Variants in LEMD2 observed in about 807,000 individuals in gnomAD.
LEMD2 encodes the protein LEM domain nuclear envelope protein 2, also known as LEM domain-containing protein 2.
A neutral mutation model predicts 58.8 loss-of-function variants in LEMD2; 34 were observed. That is an observed-to-expected ratio of 0.58 (90% CI 0.44 to 0.77). The LOEUF (loss-of-function observed/expected upper bound fraction) is 0.77, where lower values mean the gene tolerates loss of function less well. LEMD2 is among the 30% of genes least tolerant of loss of function. LEMD2 has a pLI of 0.00. For missense variants in LEMD2, 629 were observed against 717.9 expected, an observed-to-expected ratio of 0.88 and a Z score of 1.42; for synonymous variants, 298 against 308.9, an observed-to-expected ratio of 0.96 and a Z score of 0.37.
chr6:33,786,974 C>T (rs1263375040), intron 1 of LEMD2, 200 bp from the exon 2 acceptor site: 8 of 1,245,028 alleles, frequency 6.4e-6, no homozygotes, highest in Non-Finnish European at 8.5e-6. Context: ...TTAGGAATTA[C>T]GATAGCTGGG....
At chr6:33,787,079 G>C in intron 1 of LEMD2, 1 of 379,086 alleles carries the variant, frequency 2.6e-6, no homozygotes, top group Non-Finnish European at 4.7e-6. Context: ...GGATCAAATG[G>C]GCCTTCCCTG....
chr6:33,788,979 G>A lies in LEMD2; in HGVS notation c.138C>T (p.Asp46=). ...GGGCCTCCTCCCGCAGCCGCTCCTC[G>A]TCGCGCAGCCGGGCCTCGCCCCGCA... ...RRLRGEARLR[D]EERLREEARP... is the part of the protein sequence containing the mutation. Residue 46 remains aspartate (D), a synonymous_variant, in exon 1 of 9, where the codon GAC becomes GAT. Transcript: ENST00000293760. The A allele has an allele frequency of 1.4e-5, 21 of 1,541,240 alleles. No homozygotes were observed. Among genetic ancestry groups the A allele is most frequent in the Non-Finnish European group, 1.8e-5 (21 of 1,151,950 alleles).
chr6:33,774,503 T>C (rs147139722), intron 8 of LEMD2, among the ~76,000 whole-genome samples: 5,992 of 137,232 alleles, frequency 0.044, 374 homozygotes, highest in African/African-American at 0.14. Context: ...GATCTCGGCT[T>C]ACTGCAACCT....
intron 3 of LEMD2, among the ~76,000 whole-genome samples, chr6:33,783,508 GA>G (rs1171170096): frequency 6.6e-6 from 1 of 152,190 alleles, no homozygotes; most frequent in African/African-American, 2.4e-5. Flanking sequence ...CCTTAAGATA[GA>G]ACTGCTCTGT....
At chr6:33,783,701 T>C (rs896284514) in intron 3 of LEMD2, among the ~76,000 whole-genome samples, 3 of 152,332 alleles carry the variant, frequency 2.0e-5, no homozygotes, top group Middle Eastern at 3.4e-3. Context: ...ATGCATCTTC[T>C]GGATGCATTT....
At chr6:33,782,803 A>G (rs1346359093) in intron 3 of LEMD2, among the ~76,000 whole-genome samples, 14 of 152,254 alleles carry the variant, frequency 9.2e-5, no homozygotes, top group Non-Finnish European at 2.9e-5. Context: ...CCCAGCCCAC[A>G]GCGGATCCCT....
At chr6:33,787,328 C>A (rs1224509626) in intron 1 of LEMD2, among the ~76,000 whole-genome samples, 2 of 116,280 alleles carry the variant, frequency 1.7e-5, no homozygotes, top group Non-Finnish European at 4.0e-5. Context: ...TCTAGCAGGT[C>A]GACAAACTAT....
Position 33,777,041 on chromosome 6 carries a change from T to C in LEMD2, c.1274A>G (p.His425Arg). 6.2e-7 allele frequency: 1 copy of C among 1,614,098 alleles called. No homozygotes were observed. The highest frequency in any genetic ancestry group is 1.1e-5 in the South Asian group (1 of 91,088). Reference sequence around the variant, plus strand: ...CATGTCCTGCTCCCAGTCCACGTAATGGTCCTGGACCACGTCTGCAGGAGA... The same window carrying C: ...CATGTCCTGCTCCCAGTCCACGTAACGGTCCTGGACCACGTCTGCAGGAGA... ...VKKIIDVVQDHYVDWEQDMER... is the reference protein window; with the variant it reads ...VKKIIDVVQDRYVDWEQDMER... The change falls in exon 8 of 9, where the codon CAT becomes CGT. Residue 425 changes from histidine (H) to arginine (R), a missense_variant. His to Arg is a conservative substitution (Grantham distance 29). Coordinates refer to ENST00000293760, the MANE Select transcript of LEMD2 (RefSeq NM_181336.4).
At chr6:33,783,933 C>A (rs1479357125) in intron 3 of LEMD2, among the ~76,000 whole-genome samples, 4 of 152,230 alleles carry the variant, frequency 2.6e-5, no homozygotes, top group Non-Finnish European at 4.4e-5. Context: ...CTTGCACAGG[C>A]AAGAGGCCTC....
rs1767325767 is a variant in LEMD2 at position 33,772,592 on chromosome 6, G to A, written c.*36C>T. ...TGTGCCTCTGGAGTGGGCTGTCCTG[G>A]GACAGGCTGACCGGGAACAAGTCCC... On this transcript the variant is annotated 3_prime_UTR_variant, in exon 9 of 9. Transcript: ENST00000293760. 2 of 1,598,680 alleles carry A rather than the reference G, an allele frequency of 1.3e-6. No individual in the cohort carries two copies. Among genetic ancestry groups the A allele is most frequent in the South Asian group, 1.1e-5 (1 of 88,088 alleles).
At chr6:33,781,540 G>C in intron 3 of LEMD2, 1 of 189,846 alleles carries the variant, frequency 5.3e-6, no homozygotes, top group Admixed American at 5.9e-5. Context: ...CGGGGATTCT[G>C]ACTCATGACA....
At position 33,788,898 on chromosome 6, in the gene LEMD2, C is replaced by T; in HGVS notation, c.219G>A (p.Pro73=). The T allele has an allele frequency of 2.9e-6, 4 of 1,396,788 alleles. No individual in the cohort carries two copies. Among genetic ancestry groups the T allele is most frequent in the Non-Finnish European group, 3.7e-6 (4 of 1,083,120 alleles). 86.5% of individuals were successfully genotyped at this position (1,396,788 alleles called of 1,614,324 possible). Residue 73 remains proline, a synonymous_variant, in exon 1 of 9, where the codon CCG becomes CCA. Coordinates refer to ENST00000293760, the MANE Select transcript of LEMD2 (RefSeq NM_181336.4). ...REEARLREDA[P]LRARPAAASP... ...AGGCCGCGGCGGGCCGGGCGCGCAG[C>T]GGCGCATCCTCGCGTAACCGGGCCT...
Position 33,788,900 on chromosome 6 carries a change from G to A in LEMD2, c.217C>T (p.Pro73Ser). 7.1e-7 allele frequency: 1 copy of A among 1,410,778 alleles called. No homozygotes were observed. Among genetic ancestry groups the A allele is most frequent in the Admixed American group, 3.1e-5 (1 of 31,866 alleles). The allele number at this position is 1,410,778 out of a possible 1,614,324, so 87.4% of individuals were successfully genotyped here. ...REEARLREDAPLRARPAAASP... is the reference protein window; with the variant it reads ...REEARLREDASLRARPAAASP... ...GCCGCGGCGGGCCGGGCGCGCAGCGGCGCATCCTCGCGTAACCGGGCCTCT... is the reference window on the plus strand; with the variant it reads ...GCCGCGGCGGGCCGGGCGCGCAGCGACGCATCCTCGCGTAACCGGGCCTCT... The change falls in exon 1 of 9, where the codon CCG becomes TCG. Residue 73 changes from proline (P) to serine (S), a missense_variant. By Grantham distance (74) the Pro-to-Ser change is moderately conservative. Coordinates refer to ENST00000293760, the MANE Select transcript of LEMD2 (RefSeq NM_181336.4).
At chr6:33,788,033 C>G (rs1767720514) in intron 1 of LEMD2, among the ~76,000 whole-genome samples, 1 of 152,208 alleles carries the variant, frequency 6.6e-6, no homozygotes, top group Non-Finnish European at 1.5e-5. Context: ...GGGAAGAACC[C>G]AAACGGATGG....
Position 33,775,434 on chromosome 6 carries a change from CA to C in LEMD2, c.1361+1519del, listed in dbSNP as rs543317087. 1.9e-3 allele frequency among the ~76,000 whole-genome samples: 282 copies of C among 152,312 alleles called. 1 individual carries two copies. Among genetic ancestry groups the C allele is most frequent in the African/African-American group, 6.6e-3 (276 of 41,564 alleles). ...CTGGGCTCGAGTGATCCTCCTGCCT[CA>C]GCCTCCTGAGTAGCTGGGACTACAG... On this transcript the variant is annotated intron_variant, in intron 8 of 8. Coordinates refer to ENST00000293760, the MANE Select transcript of LEMD2 (RefSeq NM_181336.4).
chr6:33,776,980 G>T lies in LEMD2; in HGVS notation c.1335C>A (p.Arg445=), dbSNP rs754150748. ...GGCTCTGTGGAGGGATCAAGCTGTC[G>T]CGCACGTGCAGGATGCCTACATATG... ...RYPYVGILHV[R]DSLIPPQSRR... The change falls in exon 8 of 9, where the codon CGC becomes CGA. Residue 445 remains arginine (R), a synonymous_variant. Transcript: ENST00000293760. 6.2e-7 allele frequency: 1 copy of T among 1,613,860 alleles called. No individual in the cohort carries two copies. Among genetic ancestry groups the T allele is most frequent in the Admixed American group, 1.7e-5 (1 of 60,024 alleles).
At chr6:33,772,844 C>G in intron 8 of LEMD2, 66 bp from the exon 9 acceptor site, 2 of 1,410,802 alleles carry the variant, frequency 1.4e-6, no homozygotes, top group Non-Finnish European at 2.0e-6. Flanking sequence ...GATGCCCCTC[C>G]TACAAAGGGC....
At chr6:33,787,795 T>C (rs2127383793) in intron 1 of LEMD2, among the ~76,000 whole-genome samples, 1 of 152,304 alleles carries the variant, frequency 6.6e-6, no homozygotes, top group East Asian at 1.9e-4. Context: ...TCCATGAGGG[T>C]GCTACAAGCA....
Position 33,776,892 on chromosome 6 carries a change from G to A in LEMD2, c.1361+62C>T, listed in dbSNP as rs112217802. 4.3e-4 allele frequency: 578 copies of A among 1,344,246 alleles called. 2 individuals are homozygous for A. The African/African-American group carries it at 6.8e-3, about 16-fold the overall frequency. 83.3% of individuals were successfully genotyped at this position (1,344,246 alleles called of 1,614,324 possible). A position where few individuals can be genotyped will look rare whatever the true frequency, so the allele number is the denominator to read the frequency against. On this transcript the variant is annotated intron_variant, in intron 8 of 8. Transcript: ENST00000293760. ...ATGCAAGGCTCTGGGTTTCCTTCTG[G>A]GGAGCTCAGTGGGGTCGGACCCCAT...
Sources: gnomAD v4.1 joint callset for allele counts (sites outside exome capture counted in the v4.1 genomes callset) on GRCh38, gnomAD v4.1.1 for gene constraint, MANE v1.5 for transcripts, NCBI Gene and HGNC (gene_info 2026-07-23, HGNC 2026-07-21) for gene names.